CD163L1: variants seen among roughly 807,000 people sequenced by gnomAD.
CD163L1 encodes scavenger receptor cysteine-rich type 1 protein M160.
Under a neutral mutation model 165.4 loss-of-function variants are expected in CD163L1, and 124 were observed. That is an observed-to-expected ratio of 0.75 (90% CI 0.65 to 0.87). The LOEUF (loss-of-function observed/expected upper bound fraction) is 0.87. Among genes scored for constraint, CD163L1 ranks in the 40% least tolerant of loss-of-function variants. CD163L1 has a pLI of 0.00. For missense variants in CD163L1, 1,525 were observed against 1,799.9 expected (o/e 0.85, Z 2.76); for synonymous variants, 585 against 662.2 (o/e 0.88, Z 1.79).
At chr12:7,391,936 G>A (rs1565790744) in intron 8 of CD163L1, among the ~76,000 whole-genome samples, 2 of 152,090 alleles carry the variant, frequency 1.3e-5, no homozygotes, top group Non-Finnish European at 2.9e-5. Flanking sequence ...AGTCCTTAGA[G>A]ACCTACAAAG....
In CD163L1 at chr12:7,379,096, G is replaced by A; in HGVS notation, c.2253C>T (p.His751=). The change falls in exon 9 of 20, where the codon CAC becomes CAT. Residue 751 remains histidine (H), a synonymous_variant. Transcript: ENST00000313599. ...REPHFTERTL[H]ILMSNSGCTG... is the part of the protein sequence containing the mutation. The stretch of plus-strand genomic sequence containing the variant: ...TGCAGCCAGAATTCGACATTAAGAT[G>A]TGTAATGTTCTTTCTGTGAAATGAG... 1 of 1,614,202 alleles carries A rather than the reference G, an allele frequency of 6.2e-7. No individual in the cohort carries two copies. Among genetic ancestry groups the A allele is most frequent in the Non-Finnish European group, 8.5e-7 (1 of 1,180,016 alleles).
intron 8 of CD163L1, among the ~76,000 whole-genome samples, chr12:7,384,575 A>T (rs1349640769): frequency 2.0e-5 from 3 of 152,188 alleles, no homozygotes; most frequent in African/African-American, 7.2e-5. Flanking sequence ...TGTGCAAGGA[A>T]ACCCAGATCA....
rs769549505 is a variant in CD163L1, at chr12:7,374,891, C to A, written c.3034G>T (p.Ala1012Ser). The part of the protein sequence containing the change: ...SLTQPLFPCL[A>S]NVSDPYLSAV... The stretch of plus-strand genomic sequence containing the variant: ...GACAAATATGGGTCAGATACATTTG[C>A]GAGGCATGGAAACAGTGGCTGGGTC... The change falls in exon 12 of 20, where the codon GCA becomes TCA. Residue 1012 changes from alanine to serine, a missense_variant. Ala to Ser is a moderately conservative substitution (Grantham distance 99, BLOSUM62 1). Coordinates refer to ENST00000313599, the MANE Select transcript of CD163L1 (RefSeq NM_174941.6). This position sits in a 1 kb window ranked among gnomAD's most constrained non-coding sequence, Gnocchi z 5.4. 3 of 1,614,038 alleles carry A rather than the reference C, an allele frequency of 1.9e-6. No individual in the cohort carries two copies. The highest frequency in any genetic ancestry group is 2.7e-5 in the African/African-American group (2 of 75,024).
At chr12:7,439,694 A>G in intron 2 of CD163L1, 1 of 1,612,324 alleles carries the variant, frequency 6.2e-7, no homozygotes, top group African/African-American at 1.3e-5. Context: ...ACTTCTTTAC[A>G]GTCCTCCAGG....
At chr12:7,391,036 A>C (rs1947643506) in intron 8 of CD163L1, among the ~76,000 whole-genome samples, 1 of 152,188 alleles carries the variant, frequency 6.6e-6, no homozygotes, top group African/African-American at 2.4e-5. Flanking sequence ...TAACTTCTGC[A>C]TTTCCAACTG....
chr12:7,330,673 G>C, the CD163L1 span, among the ~76,000 whole-genome samples: 1 of 152,200 alleles, frequency 6.6e-6, no homozygotes, highest in Non-Finnish European at 1.5e-5. Flanking sequence ...CTGGGAAAAG[G>C]AGAGAAAATG....
At chr12:7,421,721 G>A (rs892690741) in intron 4 of CD163L1, among the ~76,000 whole-genome samples, 13 of 117,848 alleles carry the variant, frequency 1.1e-4, no homozygotes, top group East Asian at 5.0e-4. Flanking sequence ...ATACATATAC[G>A]TATATATGTA....
the CD163L1 span, among the ~76,000 whole-genome samples, chr12:7,330,836 G>A: frequency 8.5e-5 from 13 of 152,074 alleles, no homozygotes; most frequent in Non-Finnish European, 1.5e-4. Flanking sequence ...ACTAAGACTC[G>A]AGTCTACAGC....
intron 4 of CD163L1, among the ~76,000 whole-genome samples, chr12:7,431,602 C>T (rs1948629531): frequency 6.7e-6 from 1 of 149,284 alleles, no homozygotes; most frequent in African/African-American, 2.5e-5. Context: ...ACACCAGGGC[C>T]CGTTGGGGGG....
chr12:7,407,592 A>G (rs1321361820), intron 4 of CD163L1, among the ~76,000 whole-genome samples: 2 of 151,612 alleles, frequency 1.3e-5, no homozygotes, highest in African/African-American at 4.8e-5. Flanking sequence ...GGTCAATTTT[A>G]CTAAGTGATA....
At chr12:7,440,003 A>T (rs1290546323) in intron 2 of CD163L1, 1 of 1,520,256 alleles carries the variant, frequency 6.6e-7, no homozygotes, top group African/African-American at 1.4e-5. Flanking sequence ...GCAGCTCCGC[A>T]AACCGCCGAG....
chr12:7,423,199 G>A (rs937981211), intron 4 of CD163L1, among the ~76,000 whole-genome samples: 1 of 152,028 alleles, frequency 6.6e-6, no homozygotes, highest in African/African-American at 2.4e-5. Context: ...ACAACTACAT[G>A]GAAACTGAAC....
At chr12:7,421,603 ACACATATACATATAT>A (rs1948427757) in intron 4 of CD163L1, among the ~76,000 whole-genome samples, 1 of 10,430 alleles carries the variant, frequency 9.6e-5, no homozygotes, top group African/African-American at 2.1e-4. Context: ...ACATATATGT[ACACATATACATATAT>A]GTACATATAT....
chr12:7,324,101 C>T, the CD163L1 span, among the ~76,000 whole-genome samples: 1 of 151,788 alleles, frequency 6.6e-6, no homozygotes, highest in African/African-American at 2.4e-5. Context: ...TCACTAGAGC[C>T]CAGGAGGTCG....
chr12:7,334,969 C>A, the CD163L1 span, among the ~76,000 whole-genome samples: 47 of 152,228 alleles, frequency 3.1e-4, no homozygotes, highest in South Asian at 9.3e-3. Context: ...GAACTACAAA[C>A]CACTGCTCAA....
intron 4 of CD163L1, among the ~76,000 whole-genome samples, chr12:7,412,584 A>G (rs947018839): frequency 6.6e-6 from 1 of 152,192 alleles, no homozygotes; most frequent in African/African-American, 2.4e-5. Context: ...GAGAGGATAA[A>G]TCATAGATAA....
the CD163L1 span, among the ~76,000 whole-genome samples, chr12:7,332,214 G>C: frequency 0.2 from 30,588 of 151,398 alleles, 3,410 homozygotes; most frequent in South Asian, 0.3. Context: ...GAAATGAAGC[G>C]AGAAGAGAAG....
rs4072797 is a variant in CD163L1, at chr12:7,396,413, C to T, written c.1732G>A (p.Asp578Asn). Residue 578 changes from aspartate (D) to asparagine (N), a missense_variant and splice_region_variant, in exon 8 of 20, where the codon GAT (aspartate) becomes AAT (asparagine). Transcript: ENST00000313599. ...ACCAGCCTCAGGCCCCATGTTGCAT[C>T]ACCTGCACCAAGAACAATGAAGCAA... The part of the protein sequence containing the change: ...REDVIVTCSG[D>N]ATWGLRLVGG... The T allele has an allele frequency of 0.06, 95,238 of 1,598,818 alleles. 6,087 individuals carry two copies. Among genetic ancestry groups the T allele is most frequent in the African/African-American group, 0.29 (21,552 of 74,672 alleles).
rs147841364 is a variant in CD163L1, at chr12:7,379,161, G to T, written c.2188C>A (p.Gln730Lys). Reference protein sequence around the residue: ...GMNIAEVVCRQLECGSAIRVS... With the variant: ...GMNIAEVVCRKLECGSAIRVS... ...CTGATTGCAGACCCACATTCAAGTT[G>T]CCTGCAAACAACTTCAGCAATGTTC... Residue 730 changes from glutamine to lysine, a missense_variant, in exon 9 of 20, where the codon CAA (glutamine) becomes AAA (lysine). Transcript: ENST00000313599. 219 of 1,613,936 alleles carry T rather than the reference G, an allele frequency of 1.4e-4. No homozygotes were observed. The highest frequency in any genetic ancestry group is 1.7e-4 in the Non-Finnish European group (206 of 1,180,014).
Sources: gnomAD v4.1 joint callset for allele counts (sites outside exome capture counted in the v4.1 genomes callset) on GRCh38, gnomAD v4.1.1 for gene constraint, Gnocchi (gnomAD v3.1) non-coding constraint, MANE v1.5 for transcripts, NCBI Gene and HGNC (gene_info 2026-07-23, HGNC 2026-07-21) for gene names.